The following C3orf33 variants were observed in gnomAD, a reference collection of about 807,000 sequenced individuals.
C3orf33 encodes mitochondrial inner membrane subdomain organizer 1.
C3orf33 carries 23 observed loss-of-function variants against 28.7 expected under a neutral mutation model. The observed-to-expected ratio is 0.80, with a 90% CI of 0.58 to 1.13. The LOEUF (loss-of-function observed/expected upper bound fraction) is 1.13, where lower values mean the gene tolerates loss of function less well. C3orf33 is among the 50% of genes most tolerant of loss of function. C3orf33 has a pLI of 0.00. For synonymous variants in C3orf33, 119 were observed against 120.5 expected (o/e 0.99, Z 0.08); for missense variants, 327 against 353.4 (o/e 0.93, Z 0.60).
intron 2 of C3orf33, among the ~76,000 whole-genome samples, chr3:155,776,371 C>G (rs1750746892): frequency 6.6e-6 from 1 of 152,174 alleles, no homozygotes; most frequent in Non-Finnish European, 1.5e-5. Context: ...TAGGACTGTA[C>G]TACAATCCCT....
chr3:155,772,335 G>A (rs867818396), intron 3 of C3orf33, among the ~76,000 whole-genome samples: 2 of 152,152 alleles, frequency 1.3e-5, no homozygotes, highest in Non-Finnish European at 2.9e-5. Context: ...GACATGAGAT[G>A]AAAACTGAAG....
At chr3:155,786,844 A>C (rs1751133126) in intron 2 of C3orf33, among the ~76,000 whole-genome samples, 1 of 152,162 alleles carries the variant, frequency 6.6e-6, no homozygotes, top group Non-Finnish European at 1.5e-5. Flanking sequence ...AAAATAAATA[A>C]ATAAATAACC....
intron 2 of C3orf33, among the ~76,000 whole-genome samples, chr3:155,793,991 G>GTT (rs112941436): frequency 1.4e-4 from 21 of 149,000 alleles, no homozygotes; most frequent in Admixed American, 4.7e-4. Context: ...TTGTTTTTTT[G>GTT]TTTTTTTTGA....
chr3:155,797,584 A>C (rs1188426783), intron 2 of C3orf33, among the ~76,000 whole-genome samples: 2 of 152,256 alleles, frequency 1.3e-5, no homozygotes, highest in Non-Finnish European at 2.9e-5. Context: ...AGACTATTGG[A>C]ACTGATAAAT....
At chr3:155,774,284 C>T (rs1461666243) in intron 3 of C3orf33, among the ~76,000 whole-genome samples, 1 of 152,120 alleles carries the variant, frequency 6.6e-6, no homozygotes, top group Non-Finnish European at 1.5e-5. Context: ...TGAATAAGTA[C>T]TATAATTGCA....
intron 2 of C3orf33, among the ~76,000 whole-genome samples, chr3:155,779,887 G>A (rs145272242): frequency 3.3e-5 from 5 of 152,124 alleles, no homozygotes; most frequent in South Asian, 2.1e-4. Flanking sequence ...AATCAAAGGA[G>A]CACCAATGTT....
At chr3:155,798,838 A>ACAGAACAG (rs1378388776) in intron 2 of C3orf33, among the ~76,000 whole-genome samples, 2 of 152,218 alleles carry the variant, frequency 1.3e-5, no homozygotes, top group Non-Finnish European at 2.9e-5. Context: ...GAGACAACCC[A>ACAGAACAG]CAGAACAGGA....
In C3orf33 at chr3:155,783,641, T is replaced by C. The variant is rs1272231919; in HGVS notation, c.175-7793A>G. On this transcript the variant is annotated intron_variant, in intron 2 of 4. Transcript: ENST00000340171. ...GCTGCCACGCCTGGCTAAGTTTTTG[T>C]ATTGTAGTAGAGACAGGGTTTCACT... is the stretch of plus-strand genomic sequence containing the variant. Among the ~76,000 whole-genome samples, 3 of 151,966 alleles carry C rather than the reference T, an allele frequency of 2.0e-5. No homozygotes were observed. The East Asian group carries it at 5.8e-4, about 29-fold the overall frequency.
chr3:155,792,719 C>A (rs916472477), intron 2 of C3orf33, among the ~76,000 whole-genome samples: 2 of 151,812 alleles, frequency 1.3e-5, no homozygotes, highest in African/African-American at 4.8e-5. Context: ...AGTCTCTAAA[C>A]AGCAGAACTG....
In C3orf33 at chr3:155,781,227, C is replaced by T. The variant is rs925738385; in HGVS notation, c.175-5379G>A. ...TTCACCTTGTTAGCCAGGATGGTCTCGATCTCCTGACCTCATGATCCACCC... is the reference window on the plus strand; with the variant it reads ...TTCACCTTGTTAGCCAGGATGGTCTTGATCTCCTGACCTCATGATCCACCC... On this transcript the variant is annotated intron_variant, in intron 2 of 4. Transcript: ENST00000340171. Among the ~76,000 whole-genome samples, 51 of 150,006 alleles carry T rather than the reference C, an allele frequency of 3.4e-4. 2 individuals are homozygous for T. Among genetic ancestry groups the T allele is most frequent in the Admixed American group, 2.9e-3 (44 of 15,126 alleles).
At position 155,763,379 on chromosome 3, in the gene C3orf33, C is replaced by A. The variant is rs140566454; in HGVS notation, c.*138G>T. On this transcript the variant is annotated 3_prime_UTR_variant, in exon 5 of 5. Transcript: ENST00000340171. ...CTGACATTATGCTTATAATAATCAT[C>A]TCTTTTTAATATTTAAATACCATTG... 929 of 498,296 alleles carry A rather than the reference C, an allele frequency of 1.9e-3. 6 individuals carry two copies. The highest frequency in any genetic ancestry group is 0.017 in the African/African-American group (842 of 49,912). The allele number at this position is 498,296 out of a possible 1,614,324, so 30.9% of individuals were successfully genotyped here.
chr3:155,783,797 A>T (rs1751016075), intron 2 of C3orf33, among the ~76,000 whole-genome samples: 1 of 152,184 alleles, frequency 6.6e-6, no homozygotes, highest in African/African-American at 2.4e-5. Context: ...GACAATAATT[A>T]GTTTAAAACT....
intron 4 of C3orf33, among the ~76,000 whole-genome samples, chr3:155,765,570 C>G (rs372873296): frequency 2.0e-5 from 3 of 151,798 alleles, no homozygotes; most frequent in East Asian, 3.9e-4. Flanking sequence ...TTTTTTGAAG[C>G]GGAGTCTCAC....
At chr3:155,772,995 TCTA>T (rs1750637366) in intron 3 of C3orf33, among the ~76,000 whole-genome samples, 1 of 152,142 alleles carries the variant, frequency 6.6e-6, no homozygotes, top group Non-Finnish European at 1.5e-5. Flanking sequence ...CCATGCAGCC[TCTA>T]CTACTATGTT....
At position 155,806,236 on chromosome 3, in the gene C3orf33, G is replaced by A; in HGVS notation, c.17C>T (p.Ala6Val). ...GTCGGCAGACGGCGAGCCGGTGGCCGCGGGCTGCCCCGCCATGTTCCCGGC... is the reference window on the plus strand; with the variant it reads ...GTCGGCAGACGGCGAGCCGGTGGCCACGGGCTGCCCCGCCATGTTCCCGGC... MAGQP[A>V]ATGSPSADKD... Residue 6 changes from alanine (A) to valine (V), a missense_variant, in exon 1 of 5, where the codon GCG becomes GTG. Coordinates refer to ENST00000340171, the MANE Select transcript of C3orf33 (RefSeq NM_001308229.2). 5 of 1,465,390 alleles carry A rather than the reference G, an allele frequency of 3.4e-6. No homozygotes were observed. Among genetic ancestry groups the A allele is most frequent in the Admixed American group, 2.1e-5 (1 of 47,530 alleles). The allele number at this position is 1,465,390 out of a possible 1,614,324, so 90.8% of individuals were successfully genotyped here. A position where few individuals can be genotyped will look rare whatever the true frequency, so the allele number is the denominator to read the frequency against.
chr3:155,779,069 G>C (rs955505198), intron 2 of C3orf33, among the ~76,000 whole-genome samples: 4 of 152,170 alleles, frequency 2.6e-5, no homozygotes, highest in Non-Finnish European at 5.9e-5. Context: ...TTATATGGGT[G>C]ATATTTAGAG....
chr3:155,801,886 G>T (rs1029868909), intron 2 of C3orf33, among the ~76,000 whole-genome samples: 3 of 152,072 alleles, frequency 2.0e-5, no homozygotes, highest in African/African-American at 7.2e-5. Context: ...GAGTAGCTGG[G>T]ATTACAGGTG....
At chr3:155,787,231 C>T (rs2109269234) in intron 2 of C3orf33, among the ~76,000 whole-genome samples, 1 of 152,162 alleles carries the variant, frequency 6.6e-6, no homozygotes, top group East Asian at 1.9e-4. Flanking sequence ...CAGGGTCTCA[C>T]TCTGTTACCC....
At chr3:155,779,289 C>T (rs1203374585) in intron 2 of C3orf33, among the ~76,000 whole-genome samples, 1 of 152,000 alleles carries the variant, frequency 6.6e-6, no homozygotes, top group Non-Finnish European at 1.5e-5. Context: ...TTGCACTACT[C>T]TGGGATCTTT....
Sources: allele counts gnomAD v4.1 joint callset (sites outside exome capture counted in the v4.1 genomes callset), GRCh38; gene constraint gnomAD v4.1.1; transcripts MANE v1.5; gene names NCBI Gene and HGNC (gene_info 2026-07-23, HGNC 2026-07-21).